The following UNC79 variants were observed in gnomAD, a reference collection of about 807,000 sequenced individuals.
The protein encoded by UNC79 is protein unc-79 homolog.
A neutral mutation model predicts 283.1 loss-of-function variants in UNC79; 37 were observed. That is an observed-to-expected ratio of 0.13 (90% CI 0.10 to 0.17). The LOEUF (loss-of-function observed/expected upper bound fraction) is 0.17, where lower values mean the gene tolerates loss of function less well. Ranked by LOEUF, UNC79 falls within the 10% of genes least tolerant of loss-of-function variation. The probability of loss-of-function intolerance (pLI) is 1.00; values close to 1 mark genes in which losing one functional copy is unlikely to be tolerated. For missense variants in UNC79, 2,272 were observed against 3,211.1 expected, an observed-to-expected ratio of 0.71 and a Z score of 7.07; for synonymous variants, 1,107 against 1,200.2, an observed-to-expected ratio of 0.92 and a Z score of 1.61.
At chr14:93,504,497 G>T (rs1174129461) in intron 7 of UNC79, among the ~76,000 whole-genome samples, 2 of 150,720 alleles carry the variant, frequency 1.3e-5, no homozygotes, top group Non-Finnish European at 3.0e-5. Context: ...ATTTATTTAG[G>T]CTTTTTTAAG....
chr14:93,371,805 A>C (rs1200455806), intron 1 of UNC79, among the ~76,000 whole-genome samples: 1 of 152,046 alleles, frequency 6.6e-6, no homozygotes. Flanking sequence ...GCACAACTGC[A>C]CTCCAGCCTA....
At chr14:93,664,408 A>T (rs2071939718) in intron 40 of UNC79, among the ~76,000 whole-genome samples, 3 of 152,176 alleles carry the variant, frequency 2.0e-5, no homozygotes, top group Admixed American at 2.0e-4. Flanking sequence ...TCAGAGTGGT[A>T]AGCATATAAG....
chr14:93,405,542 A>G (rs972575037), intron 1 of UNC79, among the ~76,000 whole-genome samples: 3 of 152,210 alleles, frequency 2.0e-5, no homozygotes, highest in Non-Finnish European at 4.4e-5. Context: ...AAATGCTTCA[A>G]GTAATCTGAG....
At chr14:93,383,111 A>G (rs899436982) in intron 1 of UNC79, among the ~76,000 whole-genome samples, 1 of 152,204 alleles carries the variant, frequency 6.6e-6, no homozygotes, top group Non-Finnish European at 1.5e-5. Context: ...ACTGGTCTTG[A>G]AAGACGTCTT....
chr14:93,352,847 A>T (rs182013003), intron 1 of UNC79, among the ~76,000 whole-genome samples: 1 of 152,338 alleles, frequency 6.6e-6, no homozygotes, highest in African/African-American at 2.4e-5. Flanking sequence ...AAGTACTGTA[A>T]GTTGAAAATG....
At chr14:93,668,526 C>T (rs1425552171) in intron 40 of UNC79, among the ~76,000 whole-genome samples, 1 of 151,160 alleles carries the variant, frequency 6.6e-6, no homozygotes, top group Non-Finnish European at 1.5e-5. Context: ...GCCTGGGCAA[C>T]AAGGCGAGAC....
intron 1 of UNC79, among the ~76,000 whole-genome samples, chr14:93,351,220 CTATAT>C (rs1172574286): frequency 2.0e-5 from 3 of 152,028 alleles, no homozygotes; most frequent in Non-Finnish European, 2.9e-5. Flanking sequence ...AAAATAATTT[CTATAT>C]TATATTCGTA....
intron 30 of UNC79, among the ~76,000 whole-genome samples, chr14:93,623,299 G>C (rs1338425655): frequency 6.6e-6 from 1 of 152,170 alleles, no homozygotes; most frequent in Non-Finnish European, 1.5e-5. Flanking sequence ...AGAATTGACT[G>C]TATAATCACT....
At chr14:93,538,167 C>T (rs1243782687) in exon 12 of UNC79, 3 of 1,613,438 alleles carry the variant, frequency 1.9e-6, no homozygotes, top group Admixed American at 1.7e-5. Flanking sequence ...CCCATCAACA[C>T]GCGGGAATGC....
At chr14:93,585,214 C>T (rs2064132085) in intron 20 of UNC79, among the ~76,000 whole-genome samples, 1 of 152,116 alleles carries the variant, frequency 6.6e-6, no homozygotes, top group Admixed American at 6.5e-5. Flanking sequence ...CCAGGGTTCC[C>T]TGCTGTTCAG....
chr14:93,609,279 C>T lies in UNC79; in HGVS notation c.3755-3518C>T, dbSNP rs1322157289. On this transcript the variant is annotated intron_variant, in intron 26 of 48. Transcript: ENST00000555664. ...GAGCAAAGGTGCAAAGAGGGAAAAA[C>T]GGCTCCATTCTGAGATCCACGAGTA... Among the ~76,000 whole-genome samples, 12 of 152,188 alleles carry T rather than the reference C, an allele frequency of 7.9e-5. No homozygotes were observed. The South Asian group carries it at 8.3e-4, about 11-fold the overall frequency.
At chr14:93,465,176 C>T (rs2057121858) in intron 1 of UNC79, among the ~76,000 whole-genome samples, 1 of 152,020 alleles carries the variant, frequency 6.6e-6, no homozygotes, top group South Asian at 2.1e-4. Context: ...AGGTGTCTGG[C>T]ACTAAGGATG....
At chr14:93,446,855 T>C (rs1302004376) in intron 1 of UNC79, among the ~76,000 whole-genome samples, 2 of 152,262 alleles carry the variant, frequency 1.3e-5, no homozygotes, top group Non-Finnish European at 2.9e-5. Context: ...TAGTCTATAC[T>C]GGTAAACATT....
chr14:93,423,822 T>C (rs1394261300), intron 1 of UNC79, among the ~76,000 whole-genome samples: 1 of 152,114 alleles, frequency 6.6e-6, no homozygotes, highest in Non-Finnish European at 1.5e-5. Flanking sequence ...TCCTGAGTAA[T>C]ACTCCACAGG....
chr14:93,517,211 C>G (rs975519723), intron 7 of UNC79, among the ~76,000 whole-genome samples: 4 of 149,782 alleles, frequency 2.7e-5, no homozygotes, highest in African/African-American at 9.8e-5. Flanking sequence ...CTCCCTTTCT[C>G]CATCCCTCCC....
chr14:93,355,491 C>T (rs887345170), intron 1 of UNC79, among the ~76,000 whole-genome samples: 1 of 152,176 alleles, frequency 6.6e-6, no homozygotes, highest in African/African-American at 2.4e-5. Flanking sequence ...GCCACTGCAC[C>T]CAGCCAGTTT....
chr14:93,691,901 T>C (rs1230149223), exon 46 of UNC79: 21 of 1,613,938 alleles, frequency 1.3e-5, no homozygotes, highest in Non-Finnish European at 1.7e-5. Flanking sequence ...AATTTTGGAG[T>C]AGGGTGACAC....
intron 31 of UNC79, among the ~76,000 whole-genome samples, chr14:93,633,243 C>G (rs1288717285): frequency 6.6e-6 from 1 of 152,192 alleles, no homozygotes; most frequent in Non-Finnish European, 1.5e-5. Context: ...GTAGTCATTT[C>G]CATGAGTTAG....
chr14:93,605,416 T>G (rs2065810164), intron 26 of UNC79, among the ~76,000 whole-genome samples: 1 of 152,234 alleles, frequency 6.6e-6, no homozygotes, highest in Non-Finnish European at 1.5e-5. Flanking sequence ...GTACATGCAT[T>G]TCTGTTTCTC....
Sources: allele counts gnomAD v4.1 joint callset (sites outside exome capture counted in the v4.1 genomes callset), GRCh38; gene constraint gnomAD v4.1.1; transcripts MANE v1.5; gene names NCBI Gene and HGNC (gene_info 2026-07-23, HGNC 2026-07-21).